Variants in PSMD10 observed in about 807,000 individuals in gnomAD.
PSMD10 encodes the protein proteasome 26S subunit, non-ATPase 10.
In PSMD10, 2 loss-of-function variants were observed where a neutral mutation model predicts 13.2. That is an observed-to-expected ratio of 0.15 (90% CI 0.06 to 0.48). The LOEUF is 0.48. Ranked by LOEUF, PSMD10 falls within the 20% of genes least tolerant of loss-of-function variation. The probability of loss-of-function intolerance (pLI) is 0.97; values close to 1 mark genes in which losing one functional copy is unlikely to be tolerated. For missense variants in PSMD10, 120 were observed against 167.4 expected (o/e 0.72, Z 1.56); for synonymous variants, 66 against 64.4 (o/e 1.03, Z -0.12).
In PSMD10 at chrX:108,091,416, T is replaced by A. The variant is rs751060316; in HGVS notation, c.105A>T (p.Arg35Ser). Reference protein sequence around the residue: ...SILADKSLATRTDQDSRTALH... With the variant: ...SILADKSLATSTDQDSRTALH... ...CCTAGCGTTGCTTTACCTGGTCAGT[T>A]CTAGTAGCCAGGGATTTATCGGCCA... Residue 35 changes from arginine to serine, a missense_variant, in exon 1 of 5, where the codon AGA becomes AGT. Coordinates refer to ENST00000217958, the MANE Select transcript of PSMD10 (RefSeq NM_002814.4). 8.3e-7 allele frequency: 1 copy of A among 1,210,987 alleles called. No individual in the cohort carries two copies. Among genetic ancestry groups the A allele is most frequent in the African/African-American group, 1.7e-5 (1 of 57,961 alleles).
intron 1 of PSMD10, among the ~76,000 whole-genome samples, chrX:108,089,463 T>C (rs1712741451): frequency 8.9e-6 from 1 of 112,226 alleles, no homozygotes; most frequent in African/African-American, 3.2e-5. Context: ...ATCTAGAATT[T>C]AAAATCATAA....
chrX:108,088,966 C>G (rs1034458379), intron 1 of PSMD10, 116 bp from the exon 2 acceptor site: 4 of 502,203 alleles, frequency 8.0e-6, no homozygotes, highest in African/African-American at 4.7e-5. Flanking sequence ...GCACTGGATC[C>G]TCAGGTAGGT....
At chrX:108,087,580 C>T (rs2031511777) in intron 4 of PSMD10, 106 bp downstream of exon 4, 3 of 1,054,975 alleles carry the variant, frequency 2.8e-6, no homozygotes, top group African/African-American at 3.8e-5. Context: ...TTGCCATTAA[C>T]ACGTATTGCA....
Position 108,087,692 on chromosome X carries a change from G to A in PSMD10, c.521C>T (p.Thr174Ile). The A allele has an allele frequency of 8.3e-7, 1 of 1,208,211 alleles. No homozygotes were observed. The highest frequency in any genetic ancestry group is 1.1e-6 in the Non-Finnish European group (1 of 892,429). ...STNIQDTEGN[T>I]PLHLACDEER... ...ACTGCTACTTGTCACTTACAGAGGA[G>A]TGTTACCCTCAGTGTCTTGGATGTT... The change falls in exon 4 of 5, where the codon ACT becomes ATT. Residue 174 changes from threonine (T) to isoleucine (I), a missense_variant. Physicochemically the swap from Thr to Ile is moderately conservative, Grantham distance 89. Coordinates refer to ENST00000217958, the MANE Select transcript of PSMD10 (RefSeq NM_002814.4).
rs2031479674 is a variant in PSMD10, at chrX:108,085,018, T to C, written c.637A>G (p.Lys213Glu). The change falls in exon 5 of 5, where the codon AAA becomes GAA. Residue 213 changes from lysine (K) to glutamate (E), a missense_variant. Around this residue, in one of 3 missense-constraint regions of PSMD10, gnomAD observed 20 missense variants for 16.4 expected, o/e 1.22. Coordinates refer to ENST00000217958, the MANE Select transcript of PSMD10 (RefSeq NM_002814.4). ...KEEKTPLQVA[K>E]GGLGLILKRM... ...TTGAGTATTAAACCCAGGCCACCTT[T>C]GGCCACTTGCAGGGGTGTCTTTTCT... 8.3e-7 allele frequency: 1 copy of C among 1,207,936 alleles called. No individual in the cohort carries two copies. Among genetic ancestry groups the C allele is most frequent in the Non-Finnish European group, 1.1e-6 (1 of 894,241 alleles).
intron 1 of PSMD10, among the ~76,000 whole-genome samples, chrX:108,089,905 C>T (rs1047701004): frequency 4.5e-5 from 5 of 111,676 alleles, no homozygotes; most frequent in Non-Finnish European, 9.4e-5. Context: ...AAGGGAATCC[C>T]TATTTGCAGT....
chrX:108,091,468 T>C lies in PSMD10; in HGVS notation c.53A>G (p.Lys18Arg), dbSNP rs1327612314. 1 of 1,212,521 alleles carries C rather than the reference T, an allele frequency of 8.2e-7. No individual in the cohort carries two copies. The stretch of plus-strand genomic sequence containing the variant: ...AATACTCTCCTTCAACTCTTCCAGC[T>C]TCCCGCTGTAGGCCAGGTTGCAGAC... ...LMVCNLAYSG[K>R]LEELKESILA... is the part of the protein sequence containing the mutation. Residue 18 changes from lysine to arginine, a missense_variant, in exon 1 of 5, where the codon AAG becomes AGG. Physicochemically the swap from Lys to Arg is conservative, Grantham distance 26 (BLOSUM62 2). Around this residue, in one of 3 missense-constraint regions of PSMD10, gnomAD observed 32 missense variants for 26.2 expected, o/e 1.22. Transcript: ENST00000217958.
At chrX:108,088,874 C>A in intron 1 of PSMD10, 24 bp from the exon 2 acceptor site, 1 of 1,089,829 alleles carries the variant, frequency 9.2e-7, no homozygotes, top group Non-Finnish European at 1.2e-6. Flanking sequence ...GTAATAGAAA[C>A]ATTCTTGAAA....
chrX:108,089,094 G>C (rs182941401), intron 1 of PSMD10, among the ~76,000 whole-genome samples: 1 of 112,464 alleles, frequency 8.9e-6, no homozygotes, highest in East Asian at 2.8e-4. Context: ...AAGTAGTAGA[G>C]CAAGAAACTG....
At position 108,084,968 on chromosome X, in the gene PSMD10, A is replaced by G. The variant is rs755195832; in HGVS notation, c.*6T>C. 6.7e-6 allele frequency: 8 copies of G among 1,189,793 alleles called. No individual in the cohort carries two copies. In the South Asian group the frequency reaches 1.5e-4, roughly 23 times the overall value. ...AACATACAAAGTAAGAATAAATCCA[A>G]GCTGTTTAACCTTCCACCATTCTCT... On this transcript the variant is annotated 3_prime_UTR_variant, in exon 5 of 5. Coordinates refer to ENST00000217958, the MANE Select transcript of PSMD10 (RefSeq NM_002814.4).
intron 1 of PSMD10, among the ~76,000 whole-genome samples, chrX:108,089,561 C>T (rs1290022343): frequency 1.8e-5 from 2 of 112,126 alleles, no homozygotes; most frequent in Non-Finnish European, 3.8e-5. Flanking sequence ...TGGCCGGGTG[C>T]GGTGGTTCAC....
Position 108,087,855 on chromosome X carries a change from G to A in PSMD10, c.361-3C>T. ...CCTTCCAGTAACATGACAGCGATCT[G>A]GAAAGATGGAGAAGAAAGAAGAAAA... On this transcript the variant is annotated splice_polypyrimidine_tract_variant and splice_region_variant and intron_variant, in intron 3 of 4. Transcript: ENST00000217958. 1 of 1,211,392 alleles carries A rather than the reference G, an allele frequency of 8.3e-7. No individual in the cohort carries two copies. Among genetic ancestry groups the A allele is most frequent in the East Asian group, 3.0e-5 (1 of 33,846 alleles).
At chrX:108,088,181 A>G in intron 2 of PSMD10, 82 bp from the exon 3 acceptor site, 1 of 1,006,616 alleles carries the variant, frequency 9.9e-7, no homozygotes, top group Non-Finnish European at 1.3e-6. Flanking sequence ...GTTAGCAAGG[A>G]GCTTTACAAA....
chrX:108,091,016 A>G (rs1268964132), intron 1 of PSMD10, among the ~76,000 whole-genome samples: 2 of 113,193 alleles, frequency 1.8e-5, no homozygotes, highest in Non-Finnish European at 3.7e-5. Flanking sequence ...ACTCCACCGT[A>G]TCCCCAGCTC....
At chrX:108,087,379 T>A (rs895915544) in intron 4 of PSMD10, 5 of 187,224 alleles carry the variant, frequency 2.7e-5, no homozygotes, top group Non-Finnish European at 4.9e-5. Context: ...TACTATGAGG[T>A]GAAAAGAACA....
chrX:108,084,894 G>T lies in PSMD10; in HGVS notation c.*80C>A. The T allele has an allele frequency of 9.9e-7, 1 of 1,010,122 alleles. No homozygotes were observed. Among genetic ancestry groups the T allele is most frequent in the Non-Finnish European group, 1.3e-6 (1 of 765,341 alleles). 83.2% of individuals were successfully genotyped at this position (1,010,122 alleles called of 1,213,427 possible). Reference sequence around the variant, plus strand: ...GAAAACTTCATCATTCATAGATGATGTCTTGTGCACAAATACATTAGTTTG... The same window carrying T: ...GAAAACTTCATCATTCATAGATGATTTCTTGTGCACAAATACATTAGTTTG... On this transcript the variant is annotated 3_prime_UTR_variant, in exon 5 of 5. Transcript: ENST00000217958.
At position 108,084,207 on chromosome X, in the gene PSMD10, T is replaced by C. The variant is rs1223936562; in HGVS notation, c.*767A>G. ...CTAATTTGAAAGAAAAATTGGAAGATTCTTTCAACATTTTATTTTTTAGTT... is the reference window on the plus strand; with the variant it reads ...CTAATTTGAAAGAAAAATTGGAAGACTCTTTCAACATTTTATTTTTTAGTT... On this transcript the variant is annotated 3_prime_UTR_variant, in exon 5 of 5. Transcript: ENST00000217958. 1 of 112,787 alleles carries C rather than the reference T, an allele frequency of 8.9e-6. No homozygotes were observed. The highest frequency in any genetic ancestry group is 1.9e-5 in the Non-Finnish European group (1 of 53,352). The allele number at this position is 112,787 out of a possible 1,213,427, so 9.3% of individuals were successfully genotyped here.
chrX:108,085,100 C>T lies in PSMD10; in HGVS notation c.555G>A (p.Val185=), dbSNP rs779517811. 1.2e-5 allele frequency: 14 copies of T among 1,204,625 alleles called. No homozygotes were observed. The East Asian group carries it at 4.2e-4, about 36-fold the overall frequency. The change falls in exon 5 of 5, where the codon GTG becomes GTA. Residue 185 remains valine (V), a synonymous_variant. Transcript: ENST00000217958. The stretch of plus-strand genomic sequence containing the variant: ...GGGACACCAGCAGTTTTGCTTCTTC[C>T]ACTCTCTCCTCATCACAGGCTAAGT... ...PLHLACDEER[V]EEAKLLVSQG... is the part of the protein sequence containing the mutation.
intron 2 of PSMD10, 52 bp from the exon 3 acceptor site, chrX:108,088,151 A>G (rs753629353): frequency 9.0e-7 from 1 of 1,116,192 alleles, no homozygotes; most frequent in South Asian, 2.0e-5. Flanking sequence ...CACAAGGATT[A>G]GTGCTAACAT....
Sources: gnomAD v4.1 joint callset for allele counts (sites outside exome capture counted in the v4.1 genomes callset) on GRCh38, gnomAD v4.1.1 for gene constraint, gnomAD v4.1.1 regional missense constraint, MANE v1.5 for transcripts, NCBI Gene and HGNC (gene_info 2026-07-23, HGNC 2026-07-21) for gene names.